Variants in UGT1A6 observed in about 807,000 individuals in gnomAD.
UGT1A6 encodes the protein UDP glucuronosyltransferase family 1 member A6.
In UGT1A6, 32 loss-of-function variants were observed where a neutral mutation model predicts 44.4. The observed-to-expected ratio is 0.72, with a 90% CI of 0.54 to 0.97. UGT1A6 has a LOEUF of 0.97. UGT1A6 is among the 50% of genes least tolerant of loss of function. The pLI, the probability that UGT1A6 is intolerant of heterozygous loss-of-function variation, is 0.00. For synonymous variants in UGT1A6, 238 were observed against 248.5 expected (o/e 0.96, Z 0.40); for missense variants, 685 against 661.9 (o/e 1.03, Z -0.38).
Position 233,754,476 on chromosome 2 carries a change from C to A in UGT1A6, c.862-12558C>A, listed in dbSNP as rs561719885. 3.5e-4 allele frequency: 124 copies of A among 357,228 alleles called. 1 individual carries two copies. Among genetic ancestry groups the A allele is most frequent in the Admixed American group, 6.4e-4 (17 of 26,454 alleles). The allele number at this position is 357,228 out of a possible 1,614,324, so 22.1% of individuals were successfully genotyped here. A position where few individuals can be genotyped will look rare whatever the true frequency, so the allele number is the denominator to read the frequency against. ...GTACAGCTGTTCTGAAAGTAAAGTT[C>A]ACTTTCAATCCTAAAAAAAGTCCGC... On this transcript the variant is annotated intron_variant, in intron 1 of 4. Coordinates refer to ENST00000305139, the MANE Select transcript of UGT1A6 (RefSeq NM_001072.4).
chr2:233,708,133 G>A (rs2076005675), intron 1 of UGT1A6, among the ~76,000 whole-genome samples: 1 of 152,218 alleles, frequency 6.6e-6, no homozygotes, highest in African/African-American at 2.4e-5. Context: ...CTGTGCTCCT[G>A]TGTGGGAGTT....
At chr2:233,700,149 G>A (rs142795640) in intron 1 of UGT1A6, among the ~76,000 whole-genome samples, 1 of 152,174 alleles carries the variant, frequency 6.6e-6, no homozygotes, top group Non-Finnish European at 1.5e-5. Context: ...TCTCCCTATA[G>A]GGGTCTTTAC....
intron 1 of UGT1A6, chr2:233,717,643 C>T (rs1326962765): frequency 7.7e-6 from 3 of 388,842 alleles, no homozygotes; most frequent in Non-Finnish European, 1.6e-5. Flanking sequence ...CCTGGGGCGA[C>T]CAGGACAAGG....
chr2:233,760,562 T>C (rs1218423176), intron 1 of UGT1A6: 6 of 1,614,228 alleles, frequency 3.7e-6, no homozygotes, highest in East Asian at 2.2e-5. Flanking sequence ...AAAGAGTCTT[T>C]TGTTAGTCTC....
In UGT1A6 at chr2:233,693,459, C is replaced by G. The variant is rs201855477; in HGVS notation, c.455C>G (p.Ala152Gly). Residue 152 changes from alanine to glycine, a missense_variant, in exon 1 of 5, where the codon GCC (alanine) becomes GGC (glycine). Ala to Gly is a moderately conservative substitution (Grantham distance 60). Coordinates refer to ENST00000305139, the MANE Select transcript of UGT1A6 (RefSeq NM_001072.4). ...SKFDALFTDPALPCGVILAEY... is the reference protein window; with the variant it reads ...SKFDALFTDPGLPCGVILAEY... ...TTTGATGCTCTTTTCACAGACCCAG[C>G]CTTACCCTGTGGGGTGATCCTGGCT... 6.2e-6 allele frequency: 10 copies of G among 1,614,104 alleles called. No individual in the cohort carries two copies. Among genetic ancestry groups the G allele is most frequent in the Middle Eastern group, 1.6e-4 (1 of 6,062 alleles).
rs1699600557 is a variant in UGT1A6 at position 233,768,315 on chromosome 2, T to C, written c.1177T>C (p.Phe393Leu). The change falls in exon 4 of 5, where the codon TTT becomes CTT. Residue 393 changes from phenylalanine (F) to leucine (L), a missense_variant. Physicochemically the swap from Phe to Leu is conservative, Grantham distance 22. Coordinates refer to ENST00000305139, the MANE Select transcript of UGT1A6 (RefSeq NM_001072.4). ...CGTTCCCATGGTGATGATGCCCTTG[T>C]TTGGTGATCAGATGGACAATGCAAA... ...NGVPMVMMPLFGDQMDNAKRM... is the reference protein window; with the variant it reads ...NGVPMVMMPLLGDQMDNAKRM... 3 of 1,614,138 alleles carry C rather than the reference T, an allele frequency of 1.9e-6. No individual in the cohort carries two copies. Among genetic ancestry groups the C allele is most frequent in the South Asian group, 2.2e-5 (2 of 91,078 alleles).
chr2:233,699,401 A>C (rs1224961959), intron 1 of UGT1A6, among the ~76,000 whole-genome samples: 1 of 152,198 alleles, frequency 6.6e-6, no homozygotes, highest in African/African-American at 2.4e-5. Context: ...TTAGAAGAGA[A>C]TTTAGCTTTG....
Position 233,766,889 on chromosome 2 carries a change from C to T in UGT1A6, c.862-145C>T, listed in dbSNP as rs35858210. ...GGAGAGGAAAATGCTGTAAAACTTA[C>T]ATATTAATAATTTTTTACTCTATCT... On this transcript the variant is annotated intron_variant, in intron 1 of 4. Coordinates refer to ENST00000305139, the MANE Select transcript of UGT1A6 (RefSeq NM_001072.4). 3,026 of 1,464,588 alleles carry T rather than the reference C, an allele frequency of 2.1e-3. 24 individuals are homozygous for T. The highest frequency in any genetic ancestry group is 0.013 in the Middle Eastern group (51 of 4,042). The allele number at this position is 1,464,588 out of a possible 1,614,324, so 90.7% of individuals were successfully genotyped here.
At chr2:233,743,673 G>C (rs1692427758) in intron 1 of UGT1A6, 4 of 1,367,190 alleles carry the variant, frequency 2.9e-6, no homozygotes, top group Middle Eastern at 4.2e-4. Context: ...TCCTCGAAGG[G>C]CCTGCCGCCT....
chr2:233,715,252 A>C (rs74669452), intron 1 of UGT1A6, among the ~76,000 whole-genome samples: 1,791 of 152,300 alleles, frequency 0.012, 19 homozygotes, highest in South Asian at 0.027. Flanking sequence ...GTCTTTTAAA[A>C]AATCCCCTTA....
intron 1 of UGT1A6, among the ~76,000 whole-genome samples, chr2:233,753,898 C>T (rs1695337682): frequency 6.6e-6 from 1 of 152,234 alleles, no homozygotes; most frequent in Non-Finnish European, 1.5e-5. Context: ...AAGGAACATG[C>T]TTCTTACACC....
intron 1 of UGT1A6, among the ~76,000 whole-genome samples, chr2:233,731,986 G>A (rs184170345): frequency 7.2e-5 from 11 of 152,312 alleles, no homozygotes; most frequent in East Asian, 1.9e-4. Context: ...TCTAACTGGC[G>A]TGAGATGGTA....
intron 1 of UGT1A6, among the ~76,000 whole-genome samples, chr2:233,739,818 A>T (rs1185619139): frequency 6.6e-6 from 1 of 151,978 alleles, no homozygotes; most frequent in Non-Finnish European, 1.5e-5. Context: ...ATTGGTTTTT[A>T]AATGTGAAAA....
intron 1 of UGT1A6, 101 bp from the exon 2 acceptor site, chr2:233,766,933 A>C: frequency 6.3e-7 from 1 of 1,584,088 alleles, no homozygotes; most frequent in South Asian, 1.2e-5. Flanking sequence ...CATGCCTTTA[A>C]TCATAGTCTT....
chr2:233,726,801 T>G (rs2077562254), intron 1 of UGT1A6, among the ~76,000 whole-genome samples: 1 of 152,218 alleles, frequency 6.6e-6, no homozygotes, highest in Non-Finnish European at 1.5e-5. Context: ...ATTCAAGGCT[T>G]GGAGGTTTTC....
intron 1 of UGT1A6, chr2:233,754,873 T>C (rs763585549): frequency 7.4e-7 from 1 of 1,352,606 alleles, no homozygotes; most frequent in Non-Finnish European, 9.9e-7. Flanking sequence ...CCTCTGCTTC[T>C]GCTTCCCAGG....
intron 1 of UGT1A6, chr2:233,744,108 T>G: frequency 2.5e-6 from 1 of 394,750 alleles, no homozygotes; most frequent in South Asian, 2.1e-5. Flanking sequence ...GGACTGGCCC[T>G]GCTCTCTGTG....
intron 1 of UGT1A6, among the ~76,000 whole-genome samples, chr2:233,766,438 G>A (rs1233276669): frequency 2.6e-5 from 4 of 152,194 alleles, no homozygotes; most frequent in Non-Finnish European, 5.9e-5. Flanking sequence ...AGCTACCTGT[G>A]TGTCTGCCTG....
chr2:233,696,605 CCTTT>C (rs57635371), intron 1 of UGT1A6, among the ~76,000 whole-genome samples: 49,440 of 151,646 alleles, frequency 0.33, 8,219 homozygotes, highest in African/African-American at 0.38. Flanking sequence ...ACTTGGATGC[CCTTT>C]CTTTCTTTCT....
Sources: allele counts gnomAD v4.1 joint callset (sites outside exome capture counted in the v4.1 genomes callset), GRCh38; gene constraint gnomAD v4.1.1; transcripts MANE v1.5; gene names NCBI Gene and HGNC (gene_info 2026-07-23, HGNC 2026-07-21).